Variants in ATG4B observed in about 807,000 individuals in gnomAD.
ATG4B encodes cysteine protease ATG4B.
Under a neutral mutation model 56.6 loss-of-function variants are expected in ATG4B, and 29 were observed. That is an observed-to-expected ratio of 0.51 (90% confidence interval 0.38 to 0.70). The LOEUF (loss-of-function observed/expected upper bound fraction) is 0.70. ATG4B is among the 30% of genes least tolerant of loss of function. ATG4B has a pLI of 0.00. For missense variants in ATG4B, 461 were observed against 515.5 expected, an observed-to-expected ratio of 0.89 and a Z score of 1.02; for synonymous variants, 224 against 206.1, an observed-to-expected ratio of 1.09 and a Z score of -0.74.
intron 12 of ATG4B, 146 bp downstream of exon 12, chr2:241,671,551 G>A (rs1329109342): frequency 6.5e-6 from 10 of 1,536,196 alleles, no homozygotes; most frequent in Non-Finnish European, 8.7e-6. Context: ...TGTGAGACCA[G>A]GTATGGAGTG....
intron 7 of ATG4B, among the ~76,000 whole-genome samples, chr2:241,663,113 A>T (rs1575082362): frequency 6.6e-6 from 1 of 152,286 alleles, no homozygotes; most frequent in East Asian, 1.9e-4. Flanking sequence ...CGCCCTCGTA[A>T]TCCCAGCTGC....
intron 6 of ATG4B, 97 bp from the exon 7 acceptor site, chr2:241,659,011 C>CCTCTAACGCGAACCCT (rs2068503795): frequency 5.7e-6 from 5 of 874,982 alleles, no homozygotes; most frequent in African/African-American, 5.1e-5. Flanking sequence ...CCGAGAAGCA[C>CCTCTAACGCGAACCCT]CTCTAACGCG....
chr2:241,660,115 G>C (rs2068545234), intron 7 of ATG4B, among the ~76,000 whole-genome samples: 1 of 152,180 alleles, frequency 6.6e-6, no homozygotes. Flanking sequence ...GCTTGAACCT[G>C]GGAGGCGGAG....
chr2:241,668,599 G>A lies in ATG4B; in HGVS notation c.871G>A (p.Gly291Ser), dbSNP rs2068854225. The change falls in exon 10 of 13, where the codon GGC becomes AGC. Residue 291 changes from glycine to serine, a missense_variant. Physicochemically the swap from Gly to Ser is moderately conservative, Grantham distance 56. Transcript: ENST00000404914. This position sits in a 1 kb window ranked among gnomAD's most constrained non-coding sequence, Gnocchi z 4.2. ...TTQPAVEPTD[G>S]CFIPDESFHC... is the part of the protein sequence containing the mutation. ...GCAGCCAGCCGTGGAGCCCACTGAT[G>A]GCTGCTTCATCCCGGACGAGAGCTT... 5 of 1,603,818 alleles carry A rather than the reference G, an allele frequency of 3.1e-6. No homozygotes were observed. In the South Asian group the frequency reaches 4.5e-5, roughly 14 times the overall value.
intron 4 of ATG4B, among the ~76,000 whole-genome samples, chr2:241,654,344 C>T (rs918973488): frequency 1.3e-5 from 2 of 151,012 alleles, no homozygotes; most frequent in Non-Finnish European, 2.9e-5. Context: ...TCGCTTGAAC[C>T]CGGGAGGTGG....
chr2:241,643,618 A>G (rs185821088), intron 1 of ATG4B, among the ~76,000 whole-genome samples: 2 of 149,580 alleles, frequency 1.3e-5, no homozygotes, highest in East Asian at 1.9e-4. Context: ...ATATACGTAT[A>G]TATACACATA....
Position 241,654,188 on chromosome 2 carries a change from C to T in ATG4B, c.284-358C>T, listed in dbSNP as rs375621117. 1.8e-3 allele frequency among the ~76,000 whole-genome samples: 266 copies of T among 151,948 alleles called. 2 individuals carry two copies. Among genetic ancestry groups the T allele is most frequent in the African/African-American group, 5.1e-3 (213 of 41,454 alleles). ...CTGTAATCCCAGCACTTTGGGATGC[C>T]GAGGCGGGTGGGTCACGAGGTCAGG... On this transcript the variant is annotated intron_variant, in intron 4 of 12. Coordinates refer to ENST00000404914, the MANE Select transcript of ATG4B (RefSeq NM_013325.5).
At position 241,668,396 on chromosome 2, in the gene ATG4B, G is replaced by T. The variant is rs2068846410; in HGVS notation, c.812-144G>T. ...CTCCTGTGTGCCCCTTTCCCTGATG[G>T]TCTGGTGCCCTCGGCTCCCTCCCCA... On this transcript the variant is annotated intron_variant, in intron 9 of 12. Transcript: ENST00000404914. The surrounding 1 kb of genome is among the most constrained non-coding windows in gnomAD (Gnocchi z 4.2). 4 of 1,378,414 alleles carry T rather than the reference G, an allele frequency of 2.9e-6. No homozygotes were observed. The highest frequency in any genetic ancestry group is 2.9e-5 in the African/African-American group (2 of 69,570). The allele number at this position is 1,378,414 out of a possible 1,614,324, so 85.4% of individuals were successfully genotyped here.
At chr2:241,644,072 TGTG>T (rs1219268330) in intron 1 of ATG4B, among the ~76,000 whole-genome samples, 1 of 151,934 alleles carries the variant, frequency 6.6e-6, no homozygotes, top group African/African-American at 2.4e-5. Flanking sequence ...AAGGAACAAG[TGTG>T]GTGGCTCACA....
At position 241,659,161 on chromosome 2, in the gene ATG4B, A is replaced by G; in HGVS notation, c.512A>G (p.Asp171Gly). 6.2e-7 allele frequency: 1 copy of G among 1,613,826 alleles called. No homozygotes were observed. The highest frequency in any genetic ancestry group is 8.5e-7 in the Non-Finnish European group (1 of 1,179,724). The change falls in exon 7 of 13, where the codon GAC (aspartate) becomes GGC (glycine). Residue 171 changes from aspartate (D) to glycine (G), a missense_variant. Asp to Gly is a moderately conservative substitution (Grantham distance 94). Transcript: ENST00000404914. ...WSSLAVHIAM[D>G]NTVVMEEIRR... ...TCCTTGGCGGTCCACATTGCAATGG[A>G]CAACACTGTTGTGATGGAGGAAATC...
chr2:241,660,841 C>T (rs1034576946), intron 7 of ATG4B, among the ~76,000 whole-genome samples: 3 of 152,178 alleles, frequency 2.0e-5, no homozygotes, highest in Admixed American at 6.5e-5. Context: ...AATCACTTAC[C>T]CCCTCGTTCC....
chr2:241,669,629 T>G lies in ATG4B; in HGVS notation c.957+944T>G, dbSNP rs542994853. On this transcript the variant is annotated intron_variant, in intron 10 of 12. Coordinates refer to ENST00000404914, the MANE Select transcript of ATG4B (RefSeq NM_013325.5). ...TTCACGCCATTCTCCTGCCTCAGCC[T>G]CTGGATTAGCTGGGACTACAGGCAC... Among the ~76,000 whole-genome samples, 1,115 of 152,306 alleles carry G rather than the reference T, an allele frequency of 7.3e-3. 5 individuals carry two copies. Among genetic ancestry groups the G allele is most frequent in the Non-Finnish European group, 0.012 (829 of 68,018 alleles).
At chr2:241,670,505 G>T (rs553213278) in intron 10 of ATG4B, 3 of 603,230 alleles carry the variant, frequency 5.0e-6, no homozygotes, top group Non-Finnish European at 5.9e-6. Flanking sequence ...GCACAGCAAC[G>T]CAGTGGAGCC....
intron 1 of ATG4B, among the ~76,000 whole-genome samples, chr2:241,649,956 G>T (rs988544457): frequency 4.6e-5 from 7 of 151,910 alleles, no homozygotes; most frequent in Non-Finnish European, 5.9e-5. Context: ...GCTAATTGTT[G>T]TACTTTTAGT....
At chr2:241,658,607 G>C (rs893444241) in intron 6 of ATG4B, among the ~76,000 whole-genome samples, 4 of 151,726 alleles carry the variant, frequency 2.6e-5, no homozygotes, top group Admixed American at 1.3e-4. Context: ...GGAAATCCAA[G>C]GCCATGGTTC....
At chr2:241,669,484 G>A (rs1180861857) in intron 10 of ATG4B, among the ~76,000 whole-genome samples, 1 of 150,964 alleles carries the variant, frequency 6.6e-6, no homozygotes, top group East Asian at 1.9e-4. Flanking sequence ...AACATGGGCT[G>A]GAGCTCTGTG....
chr2:241,662,962 G>A (rs562448853), intron 7 of ATG4B, among the ~76,000 whole-genome samples: 85 of 151,884 alleles, frequency 5.6e-4, no homozygotes, highest in Admixed American at 5.2e-3. Context: ...CGGGCCGGGC[G>A]CGGTGGCTCA....
intron 1 of ATG4B, among the ~76,000 whole-genome samples, chr2:241,638,862 G>A (rs2067780825): frequency 6.6e-6 from 1 of 152,184 alleles, no homozygotes; most frequent in African/African-American, 2.4e-5. Flanking sequence ...ATTTGCAGCT[G>A]TGTACTATTT....
At chr2:241,643,709 G>A (rs1393688273) in intron 1 of ATG4B, among the ~76,000 whole-genome samples, 3 of 123,968 alleles carry the variant, frequency 2.4e-5, no homozygotes, top group African/African-American at 3.5e-5. Flanking sequence ...CCCCCCCGTC[G>A]TCCAGGCTGG....
Sources: allele counts gnomAD v4.1 joint callset (sites outside exome capture counted in the v4.1 genomes callset), GRCh38; gene constraint gnomAD v4.1.1; non-coding constraint Gnocchi (gnomAD v3.1); transcripts MANE v1.5; gene names NCBI Gene and HGNC (gene_info 2026-07-23, HGNC 2026-07-21).